Variants in C10orf90 observed in about 807,000 individuals in gnomAD.
C10orf90 encodes the protein chromosome 10 open reading frame 90, also known as (E2-independent) E3 ubiquitin-conjugating enzyme FATS.
Under a neutral mutation model 62.5 loss-of-function variants are expected in C10orf90, and 56 were observed. That is an observed-to-expected ratio of 0.90 (90% confidence interval 0.72 to 1.12). The LOEUF is 1.12. Among genes scored for constraint, C10orf90 ranks in the 50% most tolerant of loss-of-function variants. The pLI is 0.00. For synonymous variants in C10orf90, 386 were observed against 340.4 expected (o/e 1.13, Z -1.47); for missense variants, 970 against 880.4 (o/e 1.10, Z -1.29).
intron 2 of C10orf90, among the ~76,000 whole-genome samples, chr10:126,519,182 G>A (rs1197531303): frequency 6.6e-6 from 1 of 152,152 alleles, no homozygotes; most frequent in Non-Finnish European, 1.5e-5. Flanking sequence ...AGAGTGGAGA[G>A]GGATGGTGGC....
chr10:126,666,947 T>A (rs1464108766), intron 1 of C10orf90, among the ~76,000 whole-genome samples: 2 of 149,082 alleles, frequency 1.3e-5, no homozygotes, highest in African/African-American at 4.9e-5. Context: ...GCCACTGCAC[T>A]CCAGCCTGGG....
intron 2 of C10orf90, among the ~76,000 whole-genome samples, chr10:126,562,220 C>G (rs146682072): frequency 2.0e-5 from 3 of 152,156 alleles, no homozygotes; most frequent in Non-Finnish European, 4.4e-5. Flanking sequence ...GCTGCGTGCA[C>G]GTGCTAGCAT....
intron 2 of C10orf90, among the ~76,000 whole-genome samples, chr10:126,635,687 C>G (rs1483707069): frequency 6.6e-6 from 1 of 152,216 alleles, no homozygotes; most frequent in African/African-American, 2.4e-5. Context: ...TCATGTTTGA[C>G]ACACTATGGG....
chr10:126,446,980 T>C (rs575512912), intron 7 of C10orf90, among the ~76,000 whole-genome samples: 109 of 152,300 alleles, frequency 7.2e-4, no homozygotes, highest in Middle Eastern at 3.4e-3. Flanking sequence ...AGATGTTTTA[T>C]GTATGCCTAA....
intron 2 of C10orf90, among the ~76,000 whole-genome samples, chr10:126,602,539 G>T (rs983363868): frequency 2.0e-5 from 3 of 152,160 alleles, no homozygotes; most frequent in African/African-American, 7.2e-5. Context: ...CACAGCCTGG[G>T]CTCAGGAGCA....
At chr10:126,482,410 T>C (rs770668174) in intron 4 of C10orf90, among the ~76,000 whole-genome samples, 1 of 152,226 alleles carries the variant, frequency 6.6e-6, no homozygotes, top group African/African-American at 2.4e-5. Context: ...CCATTTCACA[T>C]GACCCTCAAG....
chr10:126,617,980 T>C (rs1475169402), intron 2 of C10orf90, among the ~76,000 whole-genome samples: 3 of 152,206 alleles, frequency 2.0e-5, no homozygotes, highest in African/African-American at 7.2e-5. Flanking sequence ...TTAATATTTA[T>C]TGAGTGCCCA....
intron 2 of C10orf90, chr10:126,524,705 C>T (rs1393027255): frequency 3.0e-6 from 3 of 985,868 alleles, no homozygotes; most frequent in Non-Finnish European, 3.6e-6. Flanking sequence ...GGCTCATCTT[C>T]CTCATCCGCG....
intron 4 of C10orf90, chr10:126,469,768 C>A (rs1860466553): frequency 2.4e-6 from 1 of 413,688 alleles, no homozygotes; most frequent in Non-Finnish European, 4.8e-6. Context: ...TCTCTTCCAG[C>A]AAGCTCTATA....
At chr10:126,487,038 G>C (rs1861471631) in intron 4 of C10orf90, among the ~76,000 whole-genome samples, 1 of 151,022 alleles carries the variant, frequency 6.6e-6, no homozygotes, top group Non-Finnish European at 1.5e-5. Flanking sequence ...CCAGCTACTT[G>C]GGAGGCTGAG....
At chr10:126,498,337 C>G (rs1862190821) in intron 4 of C10orf90, among the ~76,000 whole-genome samples, 2 of 152,200 alleles carry the variant, frequency 1.3e-5, no homozygotes, top group Admixed American at 6.5e-5. Context: ...ACTCCTGCCA[C>G]CCTTTCCAAG....
chr10:126,494,590 C>T (rs1400143184), intron 4 of C10orf90, among the ~76,000 whole-genome samples: 5 of 152,206 alleles, frequency 3.3e-5, no homozygotes, highest in African/African-American at 1.2e-4. Flanking sequence ...GCAGGCTCTG[C>T]ACCACACCAA....
chr10:126,605,139 A>T (rs1845279714), intron 2 of C10orf90, among the ~76,000 whole-genome samples: 1 of 152,254 alleles, frequency 6.6e-6, no homozygotes, highest in Admixed American at 6.5e-5. Context: ...TAAAAACTTT[A>T]TTCTGAAAAA....
intron 2 of C10orf90, among the ~76,000 whole-genome samples, chr10:126,535,192 T>G (rs1300968978): frequency 7.5e-6 from 1 of 132,618 alleles, no homozygotes; most frequent in African/African-American, 3.0e-5. Context: ...GAGAGAGAGA[T>G]TCACACAAAA....
chr10:126,472,723 T>G (rs1860643179), intron 4 of C10orf90, among the ~76,000 whole-genome samples: 1 of 152,096 alleles, frequency 6.6e-6, no homozygotes, highest in East Asian at 1.9e-4. Flanking sequence ...GGGAACAGCA[T>G]AGAGGAATGT....
At chr10:126,594,965 G>A (rs910645254) in intron 2 of C10orf90, among the ~76,000 whole-genome samples, 11 of 152,146 alleles carry the variant, frequency 7.2e-5, no homozygotes, top group African/African-American at 2.7e-4. Context: ...GAAGAGGAGA[G>A]ACATGATCAG....
intron 1 of C10orf90, among the ~76,000 whole-genome samples, chr10:126,649,392 G>A (rs529274519): frequency 1.2e-4 from 18 of 152,052 alleles, no homozygotes; most frequent in Admixed American, 4.6e-4. Flanking sequence ...TGGTGCCCCT[G>A]CTCATCTCTG....
intron 1 of C10orf90, among the ~76,000 whole-genome samples, chr10:126,669,828 A>G (rs1033449706): frequency 3.5e-4 from 53 of 152,090 alleles, no homozygotes; most frequent in African/African-American, 1.2e-3. Flanking sequence ...CACGTCATAC[A>G]TATTCTCCTA....
At chr10:126,615,431 G>C (rs893438442) in intron 2 of C10orf90, among the ~76,000 whole-genome samples, 2 of 152,090 alleles carry the variant, frequency 1.3e-5, no homozygotes, top group African/African-American at 4.8e-5. Context: ...CTTACACCAA[G>C]TTATTTTACT....
Sources: allele counts gnomAD v4.1 joint callset (sites outside exome capture counted in the v4.1 genomes callset), GRCh38; gene constraint gnomAD v4.1.1; transcripts MANE v1.5; gene names NCBI Gene and HGNC (gene_info 2026-07-23, HGNC 2026-07-21).